Variants in EFHC2 observed in about 807,000 individuals in gnomAD.
EFHC2 encodes EF-hand domain containing 2, also known as EF-hand domain-containing family member C2.
Under a neutral mutation model 52.7 loss-of-function variants are expected in EFHC2, and 18 were observed. The ratio of observed to expected loss-of-function variants is 0.34; its 90% CI spans 0.24 to 0.51. The LOEUF is 0.51. Ranked by LOEUF, EFHC2 falls within the 20% of genes least tolerant of loss-of-function variation. The pLI is 0.97. For missense variants in EFHC2, 513 were observed against 562.5 expected, an observed-to-expected ratio of 0.91 and a Z score of 0.89; for synonymous variants, 203 against 204.1, an observed-to-expected ratio of 0.99 and a Z score of 0.04.
chrX:44,165,659 C>T (rs2036691418), intron 13 of EFHC2, among the ~76,000 whole-genome samples: 1 of 111,393 alleles, frequency 9.0e-6, no homozygotes, highest in Non-Finnish European at 1.9e-5. Context: ...TCATGTAGGA[C>T]CTTTGGCTTT....
intron 2 of EFHC2, among the ~76,000 whole-genome samples, chrX:44,293,639 G>A (rs2037808307): frequency 9.0e-6 from 1 of 111,441 alleles, no homozygotes; most frequent in Non-Finnish European, 1.9e-5. Context: ...TTCATTTTTA[G>A]CTTTATGCAC....
At chrX:44,332,717 G>A (rs1259059995) in intron 1 of EFHC2, among the ~76,000 whole-genome samples, 4 of 111,092 alleles carry the variant, frequency 3.6e-5, no homozygotes, top group Non-Finnish European at 5.7e-5. Flanking sequence ...CAAACCTGCT[G>A]CTTCCAGGAA....
At chrX:44,198,911 T>C (rs1446341112) in intron 11 of EFHC2, among the ~76,000 whole-genome samples, 1 of 112,113 alleles carries the variant, frequency 8.9e-6, no homozygotes, top group African/African-American at 3.2e-5. Flanking sequence ...GAGATGACAA[T>C]GAGGCTTTTC....
intron 13 of EFHC2, among the ~76,000 whole-genome samples, chrX:44,166,097 AAGGGACTTATGAT>A (rs2036694680): frequency 9.0e-6 from 1 of 111,405 alleles, no homozygotes; most frequent in South Asian, 3.8e-4. Context: ...ACAGACTAAG[AAGGGACTTATGAT>A]ATTTTTAAAA....
At chrX:44,289,091 C>T (rs1186989932) in intron 2 of EFHC2, among the ~76,000 whole-genome samples, 1 of 111,530 alleles carries the variant, frequency 9.0e-6, no homozygotes, top group Non-Finnish European at 1.9e-5. Flanking sequence ...CTAAATAATT[C>T]ATATTTTTTT....
In EFHC2 at chrX:44,187,135, G is replaced by GTGTATATATATATATATATATATATA. The variant is rs1556001678; in HGVS notation, c.1752-8572_1752-8571insTATATATATATATATATATATATACA. On this transcript the variant is annotated intron_variant, in intron 11 of 14. Coordinates refer to ENST00000420999, the MANE Select transcript of EFHC2 (RefSeq NM_025184.4). ...CCATGTCTCAAAGGAAAACAAAATG[G>GTGTATATATATATATATATATATATA]TATATATATATATATATGGGCTTTA... 4.0e-4 allele frequency among the ~76,000 whole-genome samples: 25 copies of GTGTATATATATATATATATATATATA among 61,755 alleles called. 1 individual carries two copies. Among genetic ancestry groups the GTGTATATATATATATATATATATATA allele is most frequent in the African/African-American group, 1.9e-3 (23 of 12,160 alleles). 53.6% of individuals were successfully genotyped at this position (61,755 alleles called of 115,157 possible).
intron 11 of EFHC2, among the ~76,000 whole-genome samples, chrX:44,215,195 C>T (rs756677921): frequency 1.7e-4 from 19 of 111,239 alleles, no homozygotes; most frequent in Non-Finnish European, 3.0e-4. Context: ...GTCATGTTTC[C>T]TGTATAGCCT....
At chrX:44,219,298 G>C (rs2037176868) in intron 11 of EFHC2, among the ~76,000 whole-genome samples, 1 of 110,704 alleles carries the variant, frequency 9.0e-6, no homozygotes, top group South Asian at 3.8e-4. Context: ...TAGGGATCTG[G>C]GTTGCACAAG....
intron 2 of EFHC2, among the ~76,000 whole-genome samples, chrX:44,282,817 AG>A (rs2037716715): frequency 9.0e-6 from 1 of 110,572 alleles, no homozygotes; most frequent in Admixed American, 9.6e-5. Flanking sequence ...GGTGGAGGGG[AG>A]GAACAAAAAG....
At chrX:44,242,440 A>T (rs2037367302) in intron 7 of EFHC2, among the ~76,000 whole-genome samples, 151 bp from the exon 8 acceptor site, 1 of 110,276 alleles carries the variant, frequency 9.1e-6, no homozygotes, top group African/African-American at 3.3e-5. Context: ...ATCCTGTGAG[A>T]GTACTTTTCA....
chrX:44,294,275 T>C (rs952788497), intron 2 of EFHC2, among the ~76,000 whole-genome samples: 15 of 108,069 alleles, frequency 1.4e-4, no homozygotes, highest in African/African-American at 4.7e-4. Context: ...TGTGTGTGTG[T>C]GTGTGTGTGT....
chrX:44,157,865 G>C (rs1602125029), intron 14 of EFHC2, among the ~76,000 whole-genome samples: 1 of 110,988 alleles, frequency 9.0e-6, no homozygotes, highest in East Asian at 2.8e-4. Flanking sequence ...GGGTATAGGG[G>C]CTTAGCCAGC....
chrX:44,321,703 C>T (rs966341754), intron 1 of EFHC2, among the ~76,000 whole-genome samples: 8 of 111,343 alleles, frequency 7.2e-5, no homozygotes, highest in East Asian at 2.8e-4. Context: ...CAAATGAAGA[C>T]GAGGCTTGAG....
chrX:44,298,815 C>T (rs968627960), intron 2 of EFHC2, among the ~76,000 whole-genome samples: 45 of 96,884 alleles, frequency 4.6e-4, no homozygotes, highest in African/African-American at 1.8e-3. Flanking sequence ...GAGCAGAGAC[C>T]GCGCCATTGC....
chrX:44,239,682 T>C (rs1352686315), intron 8 of EFHC2, among the ~76,000 whole-genome samples: 1 of 112,194 alleles, frequency 8.9e-6, no homozygotes, highest in Non-Finnish European at 1.9e-5. Context: ...TTCCAAGGAT[T>C]TGATGATTAA....
At chrX:44,160,649 C>T (rs1258502152) in intron 14 of EFHC2, among the ~76,000 whole-genome samples, 2 of 112,083 alleles carry the variant, frequency 1.8e-5, no homozygotes, top group African/African-American at 3.2e-5. Context: ...GGGCCAGGCA[C>T]GGTGGCTCAT....
At chrX:44,186,232 C>G (rs1313363282) in intron 11 of EFHC2, among the ~76,000 whole-genome samples, 1 of 112,200 alleles carries the variant, frequency 8.9e-6, no homozygotes, top group African/African-American at 3.2e-5. Flanking sequence ...ACAGTCTATT[C>G]TTCATAGAAG....
chrX:44,251,689 A>T lies in EFHC2; in HGVS notation c.607-1244T>A, dbSNP rs752120212. ...ACTATACTTCTTTAATATTTTTTAA[A>T]ACTGACTTTTCAAAAAGATTTAAAA... On this transcript the variant is annotated intron_variant, in intron 4 of 14. Coordinates refer to ENST00000420999, the MANE Select transcript of EFHC2 (RefSeq NM_025184.4). Among the ~76,000 whole-genome samples, 91 of 103,897 alleles carry T rather than the reference A, an allele frequency of 8.8e-4. 1 individual carries two copies. Among genetic ancestry groups the T allele is most frequent in the African/African-American group, 2.9e-3 (85 of 29,248 alleles). 90.2% of individuals were successfully genotyped at this position (103,897 alleles called of 115,157 possible).
chrX:44,333,013 C>T (rs1156256404), intron 1 of EFHC2, among the ~76,000 whole-genome samples: 2 of 111,706 alleles, frequency 1.8e-5, no homozygotes, highest in Non-Finnish European at 3.8e-5. Flanking sequence ...TTCCCCCAAG[C>T]TGTGTTTATT....
Sources: allele counts gnomAD v4.1 joint callset (sites outside exome capture counted in the v4.1 genomes callset), GRCh38; gene constraint gnomAD v4.1.1; transcripts MANE v1.5; gene names NCBI Gene and HGNC (gene_info 2026-07-23, HGNC 2026-07-21).